Variants in EHMT1 observed in about 807,000 individuals in gnomAD.
The protein encoded by EHMT1 is euchromatic histone lysine methyltransferase 1.
Under a neutral mutation model 147.2 loss-of-function variants are expected in EHMT1, and 15 were observed. That is an observed-to-expected ratio of 0.10 (90% confidence interval 0.07 to 0.16). The LOEUF is 0.16. Among genes scored for constraint, EHMT1 ranks in the 10% least tolerant of loss-of-function variants. The pLI, the probability that EHMT1 is intolerant of heterozygous loss-of-function variation, is 1.00. For missense variants in EHMT1, 1,587 were observed against 1,772.4 expected (o/e 0.90, Z 1.88); for synonymous variants, 795 against 709.6 (o/e 1.12, Z -1.91).
intron 6 of EHMT1, among the ~76,000 whole-genome samples, 185 bp from the exon 7 acceptor site, chr9:137,752,146 T>G (rs1949018148): frequency 6.6e-6 from 1 of 152,106 alleles, no homozygotes; most frequent in Admixed American, 6.5e-5. Flanking sequence ...GGACCAGCAC[T>G]CGGTCACCCC....
At chr9:137,768,841 C>T (rs896264397) in intron 10 of EHMT1, among the ~76,000 whole-genome samples, 2 of 151,764 alleles carry the variant, frequency 1.3e-5, no homozygotes, top group Non-Finnish European at 1.5e-5. Flanking sequence ...TGAGCCACCG[C>T]GCCCAGCCTA....
rs767915810 is a variant in EHMT1 at position 137,678,849 on chromosome 9, A to G, written c.22-32118A>G. ...ACAGGATGGACACAGGGACAGAGAA[A>G]GGACTCACATCCAGGGCAGGACTGA... On this transcript the variant is annotated intron_variant, in intron 1 of 26. Coordinates refer to ENST00000460843, the MANE Select transcript of EHMT1 (RefSeq NM_024757.5). Among the ~76,000 whole-genome samples, 17 of 152,250 alleles carry G rather than the reference A, an allele frequency of 1.1e-4. 1 individual carries two copies. The highest frequency in any genetic ancestry group is 2.2e-4 in the Non-Finnish European group (15 of 68,016).
At chr9:137,798,661 C>G (rs774600486) in intron 16 of EHMT1, 152 bp from the exon 17 acceptor site, 4 of 718,046 alleles carry the variant, frequency 5.6e-6, no homozygotes, top group Admixed American at 2.0e-5. Context: ...CTCGGCTGTT[C>G]CCTCGGCCTC....
chr9:137,628,348 T>C (rs1843400947), intron 1 of EHMT1, among the ~76,000 whole-genome samples: 2 of 152,246 alleles, frequency 1.3e-5, no homozygotes, highest in South Asian at 4.1e-4. Flanking sequence ...TTCCTGCTTT[T>C]CTTGTCTTTG....
At chr9:137,765,365 T>C (rs371142391) in intron 10 of EHMT1, among the ~76,000 whole-genome samples, 77 of 152,282 alleles carry the variant, frequency 5.1e-4, no homozygotes, top group African/African-American at 1.8e-3. Context: ...CTTCTCTCTG[T>C]CCCCTCTCCA....
At chr9:137,666,691 G>A (rs889207266) in intron 1 of EHMT1, among the ~76,000 whole-genome samples, 1 of 152,216 alleles carries the variant, frequency 6.6e-6, no homozygotes, top group Non-Finnish European at 1.5e-5. Context: ...AGCCTGTGTA[G>A]TCCCCGTCCA....
At chr9:137,669,456 C>T (rs10867046) in intron 1 of EHMT1, among the ~76,000 whole-genome samples, 5 of 3,310 alleles carry the variant, frequency 1.5e-3, no homozygotes, top group Non-Finnish European at 2.8e-3. Context: ...CGTGCACTCA[C>T]CTCCACCCAA....
chr9:137,714,812 G>T (rs779603782), intron 2 of EHMT1, among the ~76,000 whole-genome samples: 39 of 152,192 alleles, frequency 2.6e-4, no homozygotes, highest in African/African-American at 9.1e-4. Flanking sequence ...GCCTCCCAAA[G>T]TGCTGGGATT....
chr9:137,639,867 G>T (rs1844355557), intron 1 of EHMT1, among the ~76,000 whole-genome samples: 1 of 152,210 alleles, frequency 6.6e-6, no homozygotes, highest in African/African-American at 2.4e-5. Context: ...AGCCAGAGGA[G>T]GAGCTGTGAT....
chr9:137,635,015 C>T (rs749090698), intron 1 of EHMT1, among the ~76,000 whole-genome samples: 6 of 151,288 alleles, frequency 4.0e-5, no homozygotes, highest in Non-Finnish European at 5.9e-5. Flanking sequence ...CCACTGCGCC[C>T]GGCTGTCACT....
At chr9:137,801,530 G>A (rs531627458) in intron 18 of EHMT1, among the ~76,000 whole-genome samples, 4 of 151,994 alleles carry the variant, frequency 2.6e-5, no homozygotes, top group South Asian at 2.1e-4. Context: ...ACAGAGTCTC[G>A]CTCTGTCACC....
At chr9:137,649,884 AC>A (rs958269051) in intron 1 of EHMT1, among the ~76,000 whole-genome samples, 2 of 152,200 alleles carry the variant, frequency 1.3e-5, no homozygotes, top group African/African-American at 4.8e-5. Context: ...AATTTATGAT[AC>A]TTTGTTAAGG....
chr9:137,816,363 C>G, intron 23 of EHMT1: 1 of 441,684 alleles, frequency 2.3e-6, no homozygotes, highest in Non-Finnish European at 4.2e-6. Context: ...TTACCGAGTT[C>G]ATGCGAACAT....
rs1033377562 is a variant in EHMT1, at chr9:137,828,035, G to A, written c.3541-6314G>A. Among the ~76,000 whole-genome samples, 3 of 152,184 alleles carry A rather than the reference G, an allele frequency of 2.0e-5. No individual in the cohort carries two copies. The highest frequency in any genetic ancestry group is 7.2e-5 in the African/African-American group (3 of 41,442). The stretch of plus-strand genomic sequence containing the variant: ...CTTGTGCCAGCCGACAGGGTGCGAC[G>A]GGGTGGTCGGCCCGGCTGCCATCGT... On this transcript the variant is annotated intron_variant, in intron 25 of 26. Transcript: ENST00000460843. This position sits in a 1 kb window ranked among gnomAD's most constrained non-coding sequence, Gnocchi z 5.3.
intron 1 of EHMT1, among the ~76,000 whole-genome samples, chr9:137,697,584 T>C (rs1943497134): frequency 6.6e-6 from 1 of 152,268 alleles, no homozygotes; most frequent in Admixed American, 6.5e-5. Context: ...GTGGTTAAAA[T>C]CTTACTGTTG....
chr9:137,755,757 G>T (rs1229697075), intron 8 of EHMT1, among the ~76,000 whole-genome samples: 5 of 152,166 alleles, frequency 3.3e-5, no homozygotes, highest in Non-Finnish European at 7.3e-5. Context: ...AATTCCAGTG[G>T]ATCTGTGGGT....
At chr9:137,814,056 G>GCCCCCCCCCCC (rs71387862) in intron 21 of EHMT1, among the ~76,000 whole-genome samples, 1 of 50,062 alleles carries the variant, frequency 2.0e-5, no homozygotes, top group African/African-American at 1.2e-4. Context: ...CACTGCCCAG[G>GCCCCCCCCCCC]CCCCCCCCCC....
At chr9:137,679,103 G>A (rs1419821408) in intron 1 of EHMT1, among the ~76,000 whole-genome samples, 2 of 151,916 alleles carry the variant, frequency 1.3e-5, no homozygotes, top group African/African-American at 2.4e-5. Context: ...ACAGGCACAC[G>A]CCATGCCCAG....
At chr9:137,759,534 C>T (rs528748368) in intron 9 of EHMT1, among the ~76,000 whole-genome samples, 5 of 152,240 alleles carry the variant, frequency 3.3e-5, no homozygotes, top group South Asian at 2.1e-4. Flanking sequence ...AGGATGGTGC[C>T]GAGCATCAGG....
Sources: gnomAD v4.1 joint callset for allele counts (sites outside exome capture counted in the v4.1 genomes callset) on GRCh38, gnomAD v4.1.1 for gene constraint, Gnocchi (gnomAD v3.1) non-coding constraint, MANE v1.5 for transcripts, NCBI Gene and HGNC (gene_info 2026-07-23, HGNC 2026-07-21) for gene names.